NOS1AP: variants seen among roughly 807,000 people sequenced by gnomAD.
The protein encoded by NOS1AP is nitric oxide synthase 1 adaptor protein, also known as carboxyl-terminal PDZ ligand of neuronal nitric oxide synthase protein.
Under a neutral mutation model 56.2 loss-of-function variants are expected in NOS1AP, and 21 were observed. The ratio of observed to expected loss-of-function variants is 0.37; its 90% CI spans 0.26 to 0.54. The LOEUF is 0.54. Ranked by LOEUF, NOS1AP falls within the 20% of genes least tolerant of loss-of-function variation. NOS1AP has a pLI of 0.84. For missense variants in NOS1AP, 522 were observed against 657.8 expected, an observed-to-expected ratio of 0.79 and a Z score of 2.26; for synonymous variants, 270 against 274.6, an observed-to-expected ratio of 0.98 and a Z score of 0.17.
intron 1 of NOS1AP, 122 bp from the exon 2 acceptor site, chr1:162,154,283 G>A (rs1649840349): frequency 2.5e-6 from 2 of 802,582 alleles, no homozygotes; most frequent in Non-Finnish European, 4.2e-6. Context: ...ACACCCTGCT[G>A]GCTCTTAATT....
At position 162,164,103 on chromosome 1, in the gene NOS1AP, T is replaced by C. The variant is rs1416936450; in HGVS notation, c.177+9627T>C. The stretch of plus-strand genomic sequence containing the variant: ...TTATGCTCAAGAGTAAGAAATGATG[T>C]TATTGAGTTTCCACGGGAGGATTTG... On this transcript the variant is annotated intron_variant, in intron 2 of 9. Coordinates refer to ENST00000361897, the MANE Select transcript of NOS1AP (RefSeq NM_014697.3). Among the ~76,000 whole-genome samples the C allele has an allele frequency of 2.0e-5, 3 of 152,168 alleles. No homozygotes were observed. The East Asian group carries it at 5.8e-4, about 29-fold the overall frequency.
chr1:162,203,855 G>A (rs192238372), intron 2 of NOS1AP, among the ~76,000 whole-genome samples: 1 of 152,290 alleles, frequency 6.6e-6, no homozygotes, highest in African/African-American at 2.4e-5. Context: ...GGTCAAGAAG[G>A]CCAGATGGAA....
intron 8 of NOS1AP, among the ~76,000 whole-genome samples, chr1:162,361,627 A>G (rs1468938859): frequency 6.6e-6 from 1 of 152,216 alleles, no homozygotes; most frequent in East Asian, 1.9e-4. Flanking sequence ...GGGTGCTCAC[A>G]TATTCACAGG....
intron 6 of NOS1AP, among the ~76,000 whole-genome samples, chr1:162,353,563 ATTTAT>A (rs1164373794): frequency 1.3e-4 from 20 of 152,122 alleles, no homozygotes; most frequent in African/African-American, 4.6e-4. Flanking sequence ...CTTTGTCAGT[ATTTAT>A]GGAACACTTT....
At chr1:162,211,819 T>C (rs993981670) in intron 2 of NOS1AP, among the ~76,000 whole-genome samples, 7 of 152,206 alleles carry the variant, frequency 4.6e-5, no homozygotes, top group African/African-American at 1.7e-4. Flanking sequence ...CTAGGTGTCC[T>C]GCCATCGGAG....
At chr1:162,134,928 A>G (rs1021999457) in intron 1 of NOS1AP, among the ~76,000 whole-genome samples, 3 of 152,194 alleles carry the variant, frequency 2.0e-5, no homozygotes, top group African/African-American at 7.2e-5. Context: ...GACTTGTAGC[A>G]TCTGAACACA....
chr1:162,230,990 A>G (rs539357075), intron 2 of NOS1AP, among the ~76,000 whole-genome samples: 87 of 152,322 alleles, frequency 5.7e-4, no homozygotes, highest in African/African-American at 1.9e-3. Flanking sequence ...GCTTTCAGTT[A>G]TTCTGGATAT....
At chr1:162,302,657 G>A (rs1655703263) in intron 4 of NOS1AP, among the ~76,000 whole-genome samples, 1 of 152,132 alleles carries the variant, frequency 6.6e-6, no homozygotes, top group South Asian at 2.1e-4. Flanking sequence ...ATTTTTAATA[G>A]CTTCATTGAG....
At chr1:162,132,111 C>G (rs888084758) in intron 1 of NOS1AP, among the ~76,000 whole-genome samples, 2 of 152,152 alleles carry the variant, frequency 1.3e-5, no homozygotes, top group Non-Finnish European at 2.9e-5. Context: ...GGAAGGTGAG[C>G]TGAAACATTA....
chr1:162,173,245 C>A (rs1650889441), intron 2 of NOS1AP, among the ~76,000 whole-genome samples: 1 of 152,166 alleles, frequency 6.6e-6, no homozygotes, highest in Admixed American at 6.5e-5. Context: ...ATCTGCCTGC[C>A]TCAGCCTCCC....
At chr1:162,198,150 G>A (rs2102162956) in intron 2 of NOS1AP, among the ~76,000 whole-genome samples, 1 of 152,264 alleles carries the variant, frequency 6.6e-6, no homozygotes, top group East Asian at 1.9e-4. Flanking sequence ...AGAGTGGGCT[G>A]GTGTGATGCT....
chr1:162,286,187 T>C (rs1655084441), intron 2 of NOS1AP, among the ~76,000 whole-genome samples: 1 of 152,202 alleles, frequency 6.6e-6, no homozygotes, highest in Admixed American at 6.5e-5. Flanking sequence ...TGTTTTTATC[T>C]CATTAGGATG....
intron 4 of NOS1AP, among the ~76,000 whole-genome samples, chr1:162,309,209 A>G (rs1317017864): frequency 1.3e-5 from 2 of 152,232 alleles, no homozygotes; most frequent in East Asian, 1.9e-4. Context: ...AACAATCAAG[A>G]GTTTAAATGA....
intron 3 of NOS1AP, among the ~76,000 whole-genome samples, chr1:162,291,326 C>T (rs138411578): frequency 1.3e-3 from 194 of 152,252 alleles, no homozygotes; most frequent in African/African-American, 4.6e-3. Context: ...TTTCAGTAAT[C>T]GTGGCTGTTC....
intron 1 of NOS1AP, among the ~76,000 whole-genome samples, chr1:162,094,078 A>G (rs1217517927): frequency 6.6e-6 from 1 of 152,210 alleles, no homozygotes; most frequent in African/African-American, 2.4e-5. Context: ...CTTGAAAGCC[A>G]GATTTATCAG....
At chr1:162,306,368 G>A (rs577001784) in intron 4 of NOS1AP, among the ~76,000 whole-genome samples, 6 of 152,124 alleles carry the variant, frequency 3.9e-5, no homozygotes, top group Non-Finnish European at 8.8e-5. Flanking sequence ...AGTGAGGACA[G>A]ACTTAAGCAA....
intron 2 of NOS1AP, among the ~76,000 whole-genome samples, chr1:162,179,962 G>T (rs777068843): frequency 6.6e-6 from 1 of 152,168 alleles, no homozygotes; most frequent in Non-Finnish European, 1.5e-5. Context: ...ATTAGTGCTG[G>T]CTGCTGGCAA....
intron 2 of NOS1AP, among the ~76,000 whole-genome samples, chr1:162,207,419 A>AAG (rs1444426067): frequency 6.6e-6 from 1 of 152,242 alleles, no homozygotes; most frequent in East Asian, 1.9e-4. Context: ...AGGCATCAGA[A>AAG]AGAGCCCAGG....
chr1:162,308,367 G>A (rs1313629246), intron 4 of NOS1AP, among the ~76,000 whole-genome samples: 1 of 152,216 alleles, frequency 6.6e-6, no homozygotes, highest in Non-Finnish European at 1.5e-5. Flanking sequence ...AGTATGTGAT[G>A]TCTACATCAG....
Sources: gnomAD v4.1 joint callset for allele counts (sites outside exome capture counted in the v4.1 genomes callset) on GRCh38, gnomAD v4.1.1 for gene constraint, MANE v1.5 for transcripts, NCBI Gene and HGNC (gene_info 2026-07-23, HGNC 2026-07-21) for gene names.